The following KCNIP4 variants were observed in gnomAD, a reference collection of about 807,000 sequenced individuals.
The protein encoded by KCNIP4 is Kv channel-interacting protein 4.
KCNIP4 carries 12 observed loss-of-function variants against 34.0 expected under a neutral mutation model. The observed-to-expected ratio is 0.35, with a 90% confidence interval of 0.23 to 0.57. KCNIP4 has a LOEUF of 0.57. Ranked by LOEUF, KCNIP4 falls within the 20% of genes least tolerant of loss-of-function variation. The pLI, the probability that KCNIP4 is intolerant of heterozygous loss-of-function variation, is 0.83. For synonymous variants in KCNIP4, 124 were observed against 102.2 expected (o/e 1.21, Z -1.29); for missense variants, 238 against 311.7 (o/e 0.76, Z 1.78).
chr4:21,083,208 C>T (rs753965787), intron 1 of KCNIP4, among the ~76,000 whole-genome samples: 3 of 151,670 alleles, frequency 2.0e-5, no homozygotes, highest in Non-Finnish European at 4.4e-5. Context: ...TTTATTTTAT[C>T]CCTAAGGAAG....
intron 1 of KCNIP4, among the ~76,000 whole-genome samples, chr4:20,967,015 C>A (rs1734417201): frequency 6.6e-6 from 1 of 152,100 alleles, no homozygotes; most frequent in African/African-American, 2.4e-5. Flanking sequence ...AAAATTTGAC[C>A]TGTGTATCTT....
chr4:20,788,212 C>A (rs1410283322), intron 3 of KCNIP4, among the ~76,000 whole-genome samples: 3 of 152,102 alleles, frequency 2.0e-5, no homozygotes, highest in Admixed American at 6.6e-5. Context: ...AATTAAGGAA[C>A]TCTAAACTAC....
rs542277204 is a variant in KCNIP4 at position 20,947,711 on chromosome 4, T to TAAC, written c.62-65005_62-65003dup. Reference sequence around the variant, plus strand: ...CTTCTGAGATAAGGAGAATGAATCATAACAACAACAACAACAGTCAACACT... The same window carrying TAAC: ...CTTCTGAGATAAGGAGAATGAATCATAACAACAACAACAACAACAGTCAACACT... On this transcript the variant is annotated intron_variant, in intron 1 of 8. Coordinates refer to ENST00000382152, the MANE Select transcript of KCNIP4 (RefSeq NM_025221.6). 5.3e-5 allele frequency among the ~76,000 whole-genome samples: 8 copies of TAAC among 152,336 alleles called. No homozygotes were observed. The East Asian group carries it at 1.2e-3, about 22-fold the overall frequency.
intron 1 of KCNIP4, among the ~76,000 whole-genome samples, chr4:21,060,090 T>A (rs1277651969): frequency 2.0e-5 from 3 of 152,174 alleles, no homozygotes; most frequent in Non-Finnish European, 4.4e-5. Flanking sequence ...TTCATTATTT[T>A]ATAGTTATAG....
intron 1 of KCNIP4, among the ~76,000 whole-genome samples, chr4:21,039,739 T>G (rs2149777016): frequency 6.6e-6 from 1 of 152,310 alleles, no homozygotes; most frequent in Admixed American, 6.5e-5. Flanking sequence ...CTTTTGTTTT[T>G]TATTCTTCTT....
intron 1 of KCNIP4, among the ~76,000 whole-genome samples, chr4:21,192,934 C>A (rs62295285): frequency 0.4 from 55,061 of 138,174 alleles, 11,493 homozygotes; most frequent in African/African-American, 0.62. Context: ...ACTACTACTA[C>A]TACTACTACT....
intron 1 of KCNIP4, among the ~76,000 whole-genome samples, chr4:21,217,320 G>GATTATGT (rs1482478406): frequency 5.3e-5 from 8 of 152,164 alleles, no homozygotes; most frequent in African/African-American, 1.9e-4. Flanking sequence ...ATGAAAGCAA[G>GATTATGT]ACTATGTACA....
chr4:21,788,797 G>T (rs556821157), intron 1 of KCNIP4, among the ~76,000 whole-genome samples: 2 of 152,186 alleles, frequency 1.3e-5, no homozygotes, highest in South Asian at 4.1e-4. Flanking sequence ...CTAGCTGGCC[G>T]GTTGTGGTGG....
intron 1 of KCNIP4, among the ~76,000 whole-genome samples, chr4:20,909,501 T>C (rs1728122756): frequency 6.6e-6 from 1 of 152,156 alleles, no homozygotes; most frequent in African/African-American, 2.4e-5. Context: ...GAACAGACTA[T>C]CATCCCCCAA....
At chr4:21,871,784 A>AC (rs1288724230) in intron 1 of KCNIP4, among the ~76,000 whole-genome samples, 8 of 26,394 alleles carry the variant, frequency 3.0e-4, no homozygotes, top group Non-Finnish European at 5.5e-4. Flanking sequence ...ACCCACCCCC[A>AC]CCCCCCGCCT....
At chr4:21,922,207 T>C (rs1728975590) in intron 1 of KCNIP4, among the ~76,000 whole-genome samples, 1 of 152,198 alleles carries the variant, frequency 6.6e-6, no homozygotes, top group Non-Finnish European at 1.5e-5. Context: ...AGAAGCCCTC[T>C]CTGACCAATA....
At chr4:20,756,086 G>A (rs1167787510) in intron 4 of KCNIP4, among the ~76,000 whole-genome samples, 1 of 151,876 alleles carries the variant, frequency 6.6e-6, no homozygotes, top group East Asian at 1.9e-4. Context: ...TTAGGGGAGG[G>A]GTCATCAGAA....
intron 1 of KCNIP4, among the ~76,000 whole-genome samples, chr4:21,087,883 A>T (rs1746610154): frequency 6.6e-6 from 1 of 152,160 alleles, no homozygotes; most frequent in African/African-American, 2.4e-5. Context: ...TTCCCTCAGT[A>T]GACATTTAAT....
chr4:21,238,408 G>C (rs1371002718), intron 1 of KCNIP4, among the ~76,000 whole-genome samples: 1 of 152,120 alleles, frequency 6.6e-6, no homozygotes, highest in African/African-American at 2.4e-5. Context: ...GGAAATAAAG[G>C]GTATTCAATT....
intron 3 of KCNIP4, among the ~76,000 whole-genome samples, chr4:20,797,412 G>T (rs1244584600): frequency 6.6e-6 from 1 of 152,064 alleles, no homozygotes; most frequent in Non-Finnish European, 1.5e-5. Flanking sequence ...GGTAGGAAAA[G>T]AATCCTAGGA....
At chr4:21,598,273 T>A (rs535105828) in intron 1 of KCNIP4, among the ~76,000 whole-genome samples, 2 of 152,238 alleles carry the variant, frequency 1.3e-5, no homozygotes, top group East Asian at 3.9e-4. Context: ...CCAGCTTGTA[T>A]AGAGAACATG....
chr4:21,118,179 A>G (rs1046119709), intron 1 of KCNIP4, among the ~76,000 whole-genome samples: 8 of 152,118 alleles, frequency 5.3e-5, no homozygotes, highest in Non-Finnish European at 1.2e-4. Flanking sequence ...TACTCCTTAT[A>G]GAACTGAGGG....
At chr4:21,263,656 T>A (rs1436001432) in intron 1 of KCNIP4, among the ~76,000 whole-genome samples, 1 of 152,082 alleles carries the variant, frequency 6.6e-6, no homozygotes, top group East Asian at 1.9e-4. Context: ...TATAGCCAAC[T>A]TTCTGTTTAA....
At chr4:21,259,118 T>C (rs1761284530) in intron 1 of KCNIP4, among the ~76,000 whole-genome samples, 1 of 152,178 alleles carries the variant, frequency 6.6e-6, no homozygotes, top group South Asian at 2.1e-4. Flanking sequence ...GAAGCTGTGA[T>C]TTGAATCCAG....
Sources: gnomAD v4.1 joint callset for allele counts (sites outside exome capture counted in the v4.1 genomes callset) on GRCh38, gnomAD v4.1.1 for gene constraint, MANE v1.5 for transcripts, NCBI Gene and HGNC (gene_info 2026-07-23, HGNC 2026-07-21) for gene names.